Variants in COL13A1 observed in about 807,000 individuals in gnomAD.
COL13A1 encodes the protein collagen alpha-1(XIII) chain.
In COL13A1, 89 loss-of-function variants were observed where a neutral mutation model predicts 130.9. The observed-to-expected ratio is 0.68, with a 90% CI of 0.57 to 0.81. The LOEUF is 0.81. Ranked by LOEUF, COL13A1 falls within the 30% of genes least tolerant of loss-of-function variation. COL13A1 has a pLI of 0.00. For missense variants in COL13A1, 879 were observed against 934.6 expected, an observed-to-expected ratio of 0.94 and a Z score of 0.78; for synonymous variants, 402 against 341.6, an observed-to-expected ratio of 1.18 and a Z score of -1.95.
chr10:69,880,511 CG>C lies in COL13A1; in HGVS notation c.473del (p.Gly158GlufsTer46). The C allele has an allele frequency of 6.2e-7, 1 of 1,612,376 alleles. No homozygotes were observed. ...TTCCTCTCTCCCCGCAGGGGTCCCC[CG>C]GAGACGCTGGGCTGTCCATCATTGG... is the stretch of plus-strand genomic sequence containing the variant. ...KGQPGEKGSP[G>X]DAGLSIIGPR... On this transcript the variant is annotated frameshift_variant, in exon 7 of 41. Coordinates refer to ENST00000645393, the MANE Select transcript of COL13A1 (RefSeq NM_001368882.1). LOFTEE classifies it high-confidence loss of function.
At chr10:69,898,613 C>A in intron 13 of COL13A1, 84 bp from the exon 14 acceptor site, 1 of 1,235,400 alleles carries the variant, frequency 8.1e-7, no homozygotes, top group East Asian at 2.4e-5. Context: ...TTGCCCTGCC[C>A]TCCTGGTGAC....
intron 27 of COL13A1, among the ~76,000 whole-genome samples, chr10:69,927,583 T>C (rs956272635): frequency 3.3e-5 from 5 of 152,230 alleles, no homozygotes; most frequent in Non-Finnish European, 5.9e-5. Context: ...GTCTGGGTTT[T>C]GTACAGGTGC....
At chr10:69,932,326 G>A (rs117329810) in intron 30 of COL13A1, among the ~76,000 whole-genome samples, 2 of 152,136 alleles carry the variant, frequency 1.3e-5, no homozygotes, top group East Asian at 3.9e-4. Context: ...ACAAGTCACA[G>A]GTCACCCTAA....
In COL13A1 at chr10:69,882,187, G is replaced by A. The variant is rs1417433281; in HGVS notation, c.513+1634G>A. On this transcript the variant is annotated intron_variant, in intron 7 of 40. Transcript: ENST00000645393. The stretch of plus-strand genomic sequence containing the variant: ...CTGAGCCCGGTGTGTTAGGAGGACA[G>A]GGGAGTAACACAGCATACAGGCCCT... Among the ~76,000 whole-genome samples the A allele has an allele frequency of 2.6e-5, 4 of 152,214 alleles. No homozygotes were observed. The East Asian group carries it at 5.8e-4, about 22-fold the overall frequency.
At chr10:69,884,753 C>T (rs1247375233) in intron 7 of COL13A1, among the ~76,000 whole-genome samples, 1 of 152,092 alleles carries the variant, frequency 6.6e-6, no homozygotes, top group Non-Finnish European at 1.5e-5. Flanking sequence ...AATCCCTGTG[C>T]GTGTCTTATG....
At chr10:69,807,910 T>C in intron 1 of COL13A1, among the ~76,000 whole-genome samples, 1 of 152,194 alleles carries the variant, frequency 6.6e-6, no homozygotes, top group Non-Finnish European at 1.5e-5. Flanking sequence ...TCAGCAGACA[T>C]TATTAATCAA....
At chr10:69,922,177 G>A (rs895881756) in intron 22 of COL13A1, among the ~76,000 whole-genome samples, 3 of 151,910 alleles carry the variant, frequency 2.0e-5, no homozygotes, top group Non-Finnish European at 4.4e-5. Context: ...AGATTTCTTG[G>A]TACCAGCTCT....
At chr10:69,932,708 C>T (rs2066286889) in intron 31 of COL13A1, 104 bp downstream of exon 31, 4 of 760,244 alleles carry the variant, frequency 5.3e-6, no homozygotes, top group South Asian at 3.0e-5. Flanking sequence ...CTGATGTTTA[C>T]GTTTACTGAG....
At chr10:69,862,533 C>A (rs994691841) in intron 2 of COL13A1, among the ~76,000 whole-genome samples, 2 of 152,186 alleles carry the variant, frequency 1.3e-5, no homozygotes, top group Admixed American at 1.3e-4. Context: ...TCACCGGTGT[C>A]CCTTCACAGG....
intron 7 of COL13A1, among the ~76,000 whole-genome samples, chr10:69,881,537 A>G (rs2060136909): frequency 6.6e-6 from 1 of 152,184 alleles, no homozygotes; most frequent in Admixed American, 6.5e-5. Context: ...TGAACAGCCA[A>G]GCGAGGGGTT....
chr10:69,809,577 G>T (rs879888309), intron 1 of COL13A1, among the ~76,000 whole-genome samples: 65 of 152,328 alleles, frequency 4.3e-4, no homozygotes, highest in Admixed American at 3.3e-3. Context: ...TTGAAATCAG[G>T]CAGTGTGGCC....
intron 1 of COL13A1, among the ~76,000 whole-genome samples, chr10:69,811,293 G>T (rs761789661): frequency 1.7e-4 from 26 of 152,158 alleles, no homozygotes; most frequent in Non-Finnish European, 3.2e-4. Flanking sequence ...AAAGGCTGTT[G>T]TGGGTCCTGA....
At chr10:69,873,554 C>A (rs1341682338) in intron 4 of COL13A1, among the ~76,000 whole-genome samples, 3 of 152,212 alleles carry the variant, frequency 2.0e-5, no homozygotes, top group Non-Finnish European at 4.4e-5. Context: ...CCATTCCACA[C>A]CCATCCCTAA....
At chr10:69,922,552 C>T (rs2064821220) in intron 22 of COL13A1, among the ~76,000 whole-genome samples, 156 bp from the exon 23 acceptor site, 1 of 152,204 alleles carries the variant, frequency 6.6e-6, no homozygotes, top group Non-Finnish European at 1.5e-5. Context: ...CACTTCCAAT[C>T]TCTCTTCAAA....
At chr10:69,867,438 T>C (rs2058636341) in intron 2 of COL13A1, among the ~76,000 whole-genome samples, 1 of 152,200 alleles carries the variant, frequency 6.6e-6, no homozygotes, top group South Asian at 2.1e-4. Flanking sequence ...CCTTTCTCAG[T>C]GTGCCTCGCT....
At chr10:69,822,230 A>G in intron 1 of COL13A1, 139 bp from the exon 2 acceptor site, 1 of 576,116 alleles carries the variant, frequency 1.7e-6, no homozygotes, top group Non-Finnish European at 2.9e-6. Context: ...GTGGAAGGCC[A>G]TTAACTGCCT....
At chr10:69,814,140 C>A (rs540219473) in intron 1 of COL13A1, among the ~76,000 whole-genome samples, 2 of 152,340 alleles carry the variant, frequency 1.3e-5, no homozygotes, top group South Asian at 4.1e-4. Context: ...CAAGTCCCTG[C>A]CCTGTGCCAG....
intron 36 of COL13A1, among the ~76,000 whole-genome samples, chr10:69,945,116 A>T (rs1335161927): frequency 2.7e-5 from 4 of 150,478 alleles, no homozygotes; most frequent in Admixed American, 2.0e-4. Context: ...GGTTCTACAC[A>T]CTCAGGGCTC....
intron 39 of COL13A1, chr10:69,953,865 G>A (rs1047308483): frequency 1.3e-5 from 2 of 152,732 alleles, no homozygotes; most frequent in East Asian, 1.9e-4. Flanking sequence ...ATCCTGGCCA[G>A]GGTAGGACTG....
Sources: gnomAD v4.1 joint callset for allele counts (sites outside exome capture counted in the v4.1 genomes callset) on GRCh38, gnomAD v4.1.1 for gene constraint, MANE v1.5 for transcripts, NCBI Gene and HGNC (gene_info 2026-07-23, HGNC 2026-07-21) for gene names.